NDEL1: variants seen among roughly 807,000 people sequenced by gnomAD.
NDEL1 encodes nudE neurodevelopment protein 1 like 1.
NDEL1 carries 9 observed loss-of-function variants against 45.7 expected under a neutral mutation model. The ratio of observed to expected loss-of-function variants is 0.20; its 90% CI spans 0.12 to 0.34. The LOEUF (loss-of-function observed/expected upper bound fraction) is 0.34, where lower values mean the gene tolerates loss of function less well. Ranked by LOEUF, NDEL1 falls within the 10% of genes least tolerant of loss-of-function variation. The pLI, the probability that NDEL1 is intolerant of heterozygous loss-of-function variation, is 1.00. For missense variants in NDEL1, 306 were observed against 406.2 expected (o/e 0.75, Z 2.12); for synonymous variants, 133 against 158.6 (o/e 0.84, Z 1.21).
intron 6 of NDEL1, among the ~76,000 whole-genome samples, chr17:8,451,877 C>T (rs1047477710): frequency 6.6e-6 from 1 of 152,090 alleles, no homozygotes; most frequent in African/African-American, 2.4e-5. Context: ...ACAGTGAGCT[C>T]TCTCTGTCTG....
intron 1 of NDEL1, among the ~76,000 whole-genome samples, chr17:8,418,560 C>A (rs1010049388): frequency 6.6e-6 from 1 of 152,142 alleles, no homozygotes; most frequent in Non-Finnish European, 1.5e-5. Context: ...GCTCATTTTT[C>A]TACTAGGGCA....
intron 1 of NDEL1, among the ~76,000 whole-genome samples, chr17:8,419,625 C>G (rs547786813): frequency 7.6e-4 from 115 of 152,286 alleles, no homozygotes; most frequent in African/African-American, 2.6e-3. Context: ...CTCTCTTGAT[C>G]ACGACCCCAT....
At chr17:8,425,824 C>T (rs1181119237) in intron 1 of NDEL1, among the ~76,000 whole-genome samples, 1 of 150,394 alleles carries the variant, frequency 6.6e-6, no homozygotes, top group African/African-American at 2.5e-5. Flanking sequence ...TAAGGTCTTG[C>T]TCTGTTACCC....
upstream of NDEL1, among the ~76,000 whole-genome samples, chr17:8,432,630 T>C (rs1909046471): frequency 6.6e-6 from 1 of 151,682 alleles, no homozygotes; most frequent in South Asian, 2.1e-4. Flanking sequence ...GTGATCCGCC[T>C]GCCTCGGCTT....
chr17:8,420,377 T>G (rs1908672451), intron 1 of NDEL1, among the ~76,000 whole-genome samples: 1 of 152,220 alleles, frequency 6.6e-6, no homozygotes, highest in Non-Finnish European at 1.5e-5. Context: ...AAATATTCAA[T>G]AAATGATAGC....
chr17:8,448,481 G>A (rs1910241176), intron 4 of NDEL1, 69 bp from the exon 5 acceptor site: 1 of 1,490,182 alleles, frequency 6.7e-7, no homozygotes, highest in African/African-American at 1.4e-5. Context: ...TAAACTGACA[G>A]TTTCCTTTTG....
downstream of NDEL1, among the ~76,000 whole-genome samples, chr17:8,472,864 C>T (rs1265435741): frequency 2.6e-5 from 4 of 152,192 alleles, no homozygotes; most frequent in Non-Finnish European, 5.9e-5. Flanking sequence ...GCAAGCCTTT[C>T]CCAAGTCTTG....
At chr17:8,418,500 G>T (rs1908605854) in intron 1 of NDEL1, among the ~76,000 whole-genome samples, 1 of 152,182 alleles carries the variant, frequency 6.6e-6, no homozygotes, top group South Asian at 2.1e-4. Flanking sequence ...CTTCTTAGGT[G>T]TTTATTGGCC....
chr17:8,417,185 C>CT (rs1219732100), intron 1 of NDEL1, among the ~76,000 whole-genome samples: 4 of 151,996 alleles, frequency 2.6e-5, no homozygotes, highest in African/African-American at 9.7e-5. Flanking sequence ...AGTGCAATCT[C>CT]GGCTCATTGC....
At chr17:8,463,835 T>G (rs1911406794) in intron 8 of NDEL1, among the ~76,000 whole-genome samples, 1 of 152,250 alleles carries the variant, frequency 6.6e-6, no homozygotes, top group Non-Finnish European at 1.5e-5. Flanking sequence ...TGGGGACGTG[T>G]GTAAGATCTG....
chr17:8,452,378 G>A (rs1910560242), intron 6 of NDEL1, among the ~76,000 whole-genome samples: 1 of 152,240 alleles, frequency 6.6e-6, no homozygotes, highest in East Asian at 1.9e-4. Context: ...TTTCATTCAG[G>A]GACTTGGGGA....
At chr17:8,438,650 G>A (rs1412001232) in intron 1 of NDEL1, among the ~76,000 whole-genome samples, 1 of 151,878 alleles carries the variant, frequency 6.6e-6, no homozygotes, top group Non-Finnish European at 1.5e-5. Flanking sequence ...CGAGTAGCTG[G>A]GACCACAGGT....
chr17:8,468,543 G>A (rs114940857), downstream of NDEL1, among the ~76,000 whole-genome samples: 1,394 of 152,300 alleles, frequency 9.2e-3, 24 homozygotes, highest in African/African-American at 0.031. Context: ...ATTAGAAGTC[G>A]CTTCGAACCG....
chr17:8,437,886 T>C (rs1252226091), intron 1 of NDEL1, among the ~76,000 whole-genome samples: 2 of 151,072 alleles, frequency 1.3e-5, no homozygotes, highest in Non-Finnish European at 2.9e-5. Context: ...ACGTAAAAAT[T>C]GTCATGCTTT....
intron 3 of NDEL1, among the ~76,000 whole-genome samples, chr17:8,473,711 A>G (rs1194746281): frequency 6.6e-6 from 1 of 152,202 alleles, no homozygotes; most frequent in Non-Finnish European, 1.5e-5. Context: ...AACCAGTCTA[A>G]CCGGAGAATA....
intron 1 of NDEL1, among the ~76,000 whole-genome samples, chr17:8,443,030 C>T (rs1386130111): frequency 3.3e-5 from 5 of 152,140 alleles, no homozygotes; most frequent in African/African-American, 7.2e-5. Flanking sequence ...CCGCCCGCCT[C>T]GGCCTCCCAA....
chr17:8,456,279 A>G (rs928974589), intron 7 of NDEL1, among the ~76,000 whole-genome samples: 11 of 152,216 alleles, frequency 7.2e-5, no homozygotes, highest in Admixed American at 4.6e-4. Flanking sequence ...CCTACAGTAC[A>G]TAGAGTAATC....
At chr17:8,440,414 C>T (rs1196118126) in intron 1 of NDEL1, among the ~76,000 whole-genome samples, 5 of 150,952 alleles carry the variant, frequency 3.3e-5, no homozygotes, top group East Asian at 3.9e-4. Context: ...CTTAGGAGGC[C>T]GAGGCAAGAG....
chr17:8,428,325 T>TGG lies in NDEL1; in HGVS notation c.-13+15057_-13+15058insGG, dbSNP rs1465102499. Among the ~76,000 whole-genome samples, 29 of 17,204 alleles carry TGG rather than the reference T, an allele frequency of 1.7e-3. 1 individual carries two copies. Among genetic ancestry groups the TGG allele is most frequent in the African/African-American group, 3.5e-3 (18 of 5,112 alleles). The allele number at this position is 17,204 out of a possible 152,430, so 11.3% of individuals were successfully genotyped here. A position where few individuals can be genotyped will look rare whatever the true frequency, so the allele number is the denominator to read the frequency against. ...CGCCTCAAGGCTCAAGTGTGTGTGG[T>TGG]GTGTGTGTGTGTGTGTGTGTGTGTG... On this transcript the variant is annotated intron_variant, in intron 1 of 4. Transcript: ENST00000582812.
Sources: allele counts gnomAD v4.1 joint callset (sites outside exome capture counted in the v4.1 genomes callset), GRCh38; gene constraint gnomAD v4.1.1; transcripts MANE v1.5; gene names NCBI Gene and HGNC (gene_info 2026-07-23, HGNC 2026-07-21).